The following ZNF177 variants were observed in gnomAD, a reference collection of about 807,000 sequenced individuals.
ZNF177 encodes the protein zinc finger protein 177.
ZNF177 carries 17 observed loss-of-function variants against 19.4 expected under a neutral mutation model. The observed-to-expected ratio is 0.87, with a 90% CI of 0.60 to 1.31. The LOEUF (loss-of-function observed/expected upper bound fraction) is 1.31. Among genes scored for constraint, ZNF177 ranks in the 40% most tolerant of loss-of-function variants. The pLI is 0.00. For synonymous variants in ZNF177, 220 were observed against 188.7 expected (o/e 1.17, Z -1.36); for missense variants, 633 against 561.8 (o/e 1.13, Z -1.28).
At chr19:9,374,662 TTAGA>T (rs1287538705), upstream of ZNF177, among the ~76,000 whole-genome samples, 10 of 151,772 alleles carry the variant, frequency 6.6e-5, no homozygotes, top group Non-Finnish European at 8.8e-5. Context: ...ATAGTTTTTT[TTAGA>T]TAGTTTGTTA....
At chr19:9,363,686 G>T (rs913089892) in intron 1 of ZNF177, among the ~76,000 whole-genome samples, 6 of 152,132 alleles carry the variant, frequency 3.9e-5, no homozygotes, top group Non-Finnish European at 7.3e-5. Context: ...GTGCTTTTTT[G>T]AGCCCTCAGG....
chr19:9,364,788 G>C (rs2067955445), intron 1 of ZNF177, 74 bp from the exon 2 acceptor site: 1 of 152,210 alleles, frequency 6.6e-6, no homozygotes, highest in African/African-American at 2.4e-5. Flanking sequence ...ATTGCGTCGA[G>C]GGGGAGGTTC....
intron 1 of ZNF177, among the ~76,000 whole-genome samples, chr19:9,364,373 G>T (rs1288220466): frequency 6.6e-6 from 1 of 152,164 alleles, no homozygotes; most frequent in Non-Finnish European, 1.5e-5. Context: ...TGCTAGCAGA[G>T]AATTCATTAG....
chr19:9,380,131 A>AT lies in ZNF177; in HGVS notation c.329dup (p.Asn111LysfsTer9). ...TCCTGGGGGAAAAACATCCAATGGC[A>AT]TAAACACGGTAAGACTTACTAGGAA... On this transcript the variant is annotated frameshift_variant, in exon 5 of 6. Transcript: ENST00000589262. LOFTEE classifies it low-confidence loss of function (END_TRUNC). 1.2e-6 allele frequency: 2 copies of AT among 1,610,030 alleles called. No individual in the cohort carries two copies. The highest frequency in any genetic ancestry group is 1.7e-6 in the Non-Finnish European group (2 of 1,179,150).
chr19:9,374,209 A>G (rs2068082132), upstream of ZNF177, among the ~76,000 whole-genome samples: 1 of 152,174 alleles, frequency 6.6e-6, no homozygotes, highest in Admixed American at 6.5e-5. Flanking sequence ...TTAGTTGACC[A>G]TACATGCCAG....
At chr19:9,364,481 A>AGTG (rs1202081410) in intron 1 of ZNF177, among the ~76,000 whole-genome samples, 1 of 152,142 alleles carries the variant, frequency 6.6e-6, no homozygotes, top group Non-Finnish European at 1.5e-5. Flanking sequence ...CAAGGGAATT[A>AGTG]GTGGAATAAC....
At chr19:9,365,483 A>AC in intron 2 of ZNF177, among the ~76,000 whole-genome samples, 1 of 150,810 alleles carries the variant, frequency 6.6e-6, no homozygotes, top group East Asian at 2.0e-4. Context: ...GGGGTTCTTG[A>AC]CCCCCAGAAA....
chr19:9,378,470 T>A, intron 2 of ZNF177, 126 bp downstream of exon 4: 1 of 1,428,982 alleles, frequency 7.0e-7, no homozygotes, highest in Non-Finnish European at 9.4e-7. Flanking sequence ...GCTCCCAGGC[T>A]GCTTCATGTG....
At chr19:9,375,222 T>G (rs2068094682), upstream of ZNF177, among the ~76,000 whole-genome samples, 1 of 152,244 alleles carries the variant, frequency 6.6e-6, no homozygotes, top group African/African-American at 2.4e-5. Context: ...TTTAAGGTAC[T>G]GTTGAATTTG....
chr19:9,371,671 AG>A (rs1271767738), upstream of ZNF177: 6 of 152,172 alleles, frequency 3.9e-5, no homozygotes, highest in Admixed American at 2.0e-4. Flanking sequence ...ATACCAAGGA[AG>A]AAAAATCTAT....
chr19:9,363,585 C>A (rs2122465422), intron 1 of ZNF177, among the ~76,000 whole-genome samples: 1 of 152,096 alleles, frequency 6.6e-6, no homozygotes, highest in East Asian at 1.9e-4. Flanking sequence ...CTTAGGTCTT[C>A]AAGGTTTATT....
At chr19:9,373,617 C>G (rs1263280150), upstream of ZNF177, among the ~76,000 whole-genome samples, 1 of 152,116 alleles carries the variant, frequency 6.6e-6, no homozygotes, top group African/African-American at 2.4e-5. Context: ...TATCCTTTGA[C>G]TTTTTGATAA....
At chr19:9,369,498 G>A (rs1041990125) in intron 2 of ZNF177, among the ~76,000 whole-genome samples, 1 of 151,998 alleles carries the variant, frequency 6.6e-6, no homozygotes, top group African/African-American at 2.4e-5. Context: ...GTGGATTTTA[G>A]TGCATCTAAT....
At chr19:9,371,276 A>ATTT (rs766200871) in intron 2 of ZNF177, among the ~76,000 whole-genome samples, 1 of 149,394 alleles carries the variant, frequency 6.7e-6, no homozygotes, top group Non-Finnish European at 1.5e-5. Context: ...GGGTCCCAAC[A>ATTT]TTTTTTTTTT....
exon 6 of ZNF177, chr19:9,380,732 C>G (rs1009832304): frequency 4.6e-6 from 7 of 1,535,816 alleles, no homozygotes; most frequent in South Asian, 1.2e-5. Context: ...AGAAAGAACA[C>G]TCGCTTTATT....
intron 2 of ZNF177, among the ~76,000 whole-genome samples, chr19:9,368,207 A>AT (rs551011642): frequency 6.6e-6 from 1 of 152,148 alleles, no homozygotes; most frequent in African/African-American, 2.4e-5. Context: ...CTTCTTTTAT[A>AT]TTTTTTAAAT....
At chr19:9,381,232 A>G (rs1568385469) in exon 6 of ZNF177, 6 of 1,614,166 alleles carry the variant, frequency 3.7e-6, no homozygotes, top group Non-Finnish European at 4.2e-6. Flanking sequence ...TTCCCTTAAG[A>G]AACACATGAG....
upstream of ZNF177, chr19:9,371,493 C>T (rs1012904609): frequency 1.3e-5 from 2 of 152,028 alleles, no homozygotes; most frequent in South Asian, 2.1e-4. Flanking sequence ...GTTTGTCTAG[C>T]GTTTTAGGTT....
At chr19:9,378,674 A>G (rs1374493790) in intron 2 of ZNF177, 4 of 541,974 alleles carry the variant, frequency 7.4e-6, no homozygotes, top group African/African-American at 1.9e-5. Context: ...CTGGATCTGA[A>G]TAAGACGAAA....
Sources: allele counts gnomAD v4.1 joint callset (sites outside exome capture counted in the v4.1 genomes callset), GRCh38; gene constraint gnomAD v4.1.1; transcripts MANE v1.5; gene names NCBI Gene and HGNC (gene_info 2026-07-23, HGNC 2026-07-21).